Variants in SDK1 observed in about 807,000 individuals in gnomAD.
SDK1 encodes sidekick cell adhesion molecule 1, also known as protein sidekick-1.
In SDK1, 157 loss-of-function variants were observed where a neutral mutation model predicts 245.5. The ratio of observed to expected loss-of-function variants is 0.64; its 90% CI spans 0.56 to 0.73. SDK1 has a LOEUF of 0.73. Ranked by LOEUF, SDK1 falls within the 30% of genes least tolerant of loss-of-function variation. The pLI is 0.00. For synonymous variants in SDK1, 1,647 were observed against 1,278.5 expected, an observed-to-expected ratio of 1.29 and a Z score of -6.15; for missense variants, 3,583 against 3,002.3, an observed-to-expected ratio of 1.19 and a Z score of -4.52.
chr7:3,938,952 G>T (rs1430166053), intron 5 of SDK1, among the ~76,000 whole-genome samples: 1 of 152,194 alleles, frequency 6.6e-6, no homozygotes, highest in African/African-American at 2.4e-5. Context: ...TAAATGAGAA[G>T]AAAAGAAACT....
At chr7:3,609,927 C>T (rs998332602) in intron 1 of SDK1, among the ~76,000 whole-genome samples, 1 of 148,420 alleles carries the variant, frequency 6.7e-6, no homozygotes, top group Non-Finnish European at 1.5e-5. Context: ...TCTCAAACTC[C>T]TGACCTCAGG....
intron 1 of SDK1, among the ~76,000 whole-genome samples, chr7:3,443,365 T>A (rs1462899329): frequency 6.6e-6 from 1 of 152,188 alleles, no homozygotes; most frequent in Non-Finnish European, 1.5e-5. Flanking sequence ...ACCGTTTATG[T>A]CAAATATATT....
rs181057500 is a variant in SDK1, at chr7:4,010,865, T to G, written c.2132-101T>G. The G allele has an allele frequency of 1.4e-4, 174 of 1,243,712 alleles. No individual in the cohort carries two copies. In the African/African-American group the frequency reaches 2.5e-3, roughly 18 times the overall value. The allele number at this position is 1,243,712 out of a possible 1,614,324, so 77.0% of individuals were successfully genotyped here. ...TTTCCTTCTCCTAGAGCTGTCCTGC[T>G]AAGCAAATGAGATGTTCCCTGAGAA... On this transcript the variant is annotated intron_variant, in intron 14 of 44. Transcript: ENST00000404826.
At chr7:3,624,485 C>G (rs976483816) in intron 2 of SDK1, among the ~76,000 whole-genome samples, 1 of 152,074 alleles carries the variant, frequency 6.6e-6, no homozygotes, top group Admixed American at 6.5e-5. Flanking sequence ...AGGTGTAAGC[C>G]ACCACACCTG....
chr7:4,260,791 T>A (rs1437126085), intron 44 of SDK1, among the ~76,000 whole-genome samples: 2 of 149,886 alleles, frequency 1.3e-5, no homozygotes, highest in African/African-American at 4.9e-5. Flanking sequence ...TGGGAAGATG[T>A]GTTCATCGTC....
At chr7:4,052,752 G>C (rs1235636139) in intron 19 of SDK1, among the ~76,000 whole-genome samples, 1 of 152,018 alleles carries the variant, frequency 6.6e-6, no homozygotes, top group Non-Finnish European at 1.5e-5. Context: ...GCATTTTCTA[G>C]TTTCTACCAC....
chr7:3,610,826 A>G lies in SDK1; in HGVS notation c.299-8254A>G, dbSNP rs114700116. Reference sequence around the variant, plus strand: ...GGCAAACTATTCACAGTGCTGTTTAATGGAAATCTCAGGGACCCTCCTGCT... The same window carrying G: ...GGCAAACTATTCACAGTGCTGTTTAGTGGAAATCTCAGGGACCCTCCTGCT... On this transcript the variant is annotated intron_variant, in intron 1 of 44. Coordinates refer to ENST00000404826, the MANE Select transcript of SDK1 (RefSeq NM_152744.4). 2.7e-3 allele frequency among the ~76,000 whole-genome samples: 409 copies of G among 152,368 alleles called. 2 individuals carry two copies. Among genetic ancestry groups the G allele is most frequent in the African/African-American group, 9.4e-3 (389 of 41,586 alleles).
Position 4,185,990 on chromosome 7 carries a change from C to G in SDK1, c.5098+7404C>G, listed in dbSNP as rs1193371018. Among the ~76,000 whole-genome samples the G allele has an allele frequency of 3.9e-5, 6 of 152,128 alleles. No individual in the cohort carries two copies. The East Asian group carries it at 9.6e-4, about 24-fold the overall frequency. ...TGGAGCGGCTCCAGGGCCCAGGGAG[C>G]TCAGGGAGGGCCTAAAGCAAGGCTT... On this transcript the variant is annotated intron_variant, in intron 35 of 44. Transcript: ENST00000404826.
chr7:3,447,766 A>G (rs1323997795), intron 1 of SDK1, among the ~76,000 whole-genome samples: 1 of 138,050 alleles, frequency 7.2e-6, no homozygotes, highest in Admixed American at 8.1e-5. Context: ...GTGCAATGGC[A>G]TGATCTCGGC....
intron 1 of SDK1, among the ~76,000 whole-genome samples, chr7:3,581,775 A>G (rs879865093): frequency 2.6e-5 from 4 of 152,240 alleles, no homozygotes; most frequent in African/African-American, 4.8e-5. Flanking sequence ...GACTGGATAA[A>G]GAAAATGTGG....
At chr7:4,198,238 C>G (rs1411477699) in intron 35 of SDK1, among the ~76,000 whole-genome samples, 1 of 152,198 alleles carries the variant, frequency 6.6e-6, no homozygotes, top group Non-Finnish European at 1.5e-5. Context: ...CGGCCCAAAC[C>G]CATCACACAC....
At chr7:4,200,437 G>A (rs1399151688) in intron 35 of SDK1, among the ~76,000 whole-genome samples, 1 of 152,230 alleles carries the variant, frequency 6.6e-6, no homozygotes, top group South Asian at 2.1e-4. Context: ...TGGTTTCTGT[G>A]GGCCAGAAAT....
At chr7:3,451,847 T>C (rs1299044397) in intron 1 of SDK1, among the ~76,000 whole-genome samples, 1 of 152,146 alleles carries the variant, frequency 6.6e-6, no homozygotes, top group Non-Finnish European at 1.5e-5. Context: ...GTGTAGTAAG[T>C]GAAAGACTTA....
chr7:3,613,721 A>C (rs1006667243), intron 1 of SDK1, among the ~76,000 whole-genome samples: 2 of 152,230 alleles, frequency 1.3e-5, no homozygotes, highest in Non-Finnish European at 2.9e-5. Flanking sequence ...ACATGGAATC[A>C]ACCCAAATAC....
rs1319632464 is a variant in SDK1, at chr7:3,780,657, C to G, written c.714-40793C>G. On this transcript the variant is annotated intron_variant, in intron 4 of 44. Transcript: ENST00000404826. ...TTCACCTCCTCCCATTTCAGGGAAG[C>G]AAAGGGGCTAGATCAGCTTGACCCA... Among the ~76,000 whole-genome samples, 3 of 152,278 alleles carry G rather than the reference C, an allele frequency of 2.0e-5. No homozygotes were observed. In the East Asian group the frequency reaches 5.8e-4, roughly 29 times the overall value.
At chr7:4,168,472 C>T (rs986655926) in intron 32 of SDK1, among the ~76,000 whole-genome samples, 20 of 152,344 alleles carry the variant, frequency 1.3e-4, no homozygotes, top group Non-Finnish European at 2.5e-4. Context: ...CTCCATCTTC[C>T]AGCCCCAGAG....
chr7:3,539,153 A>G (rs181512760), intron 1 of SDK1, among the ~76,000 whole-genome samples: 8 of 152,314 alleles, frequency 5.3e-5, no homozygotes, highest in Admixed American at 3.3e-4. Context: ...CAGGTTGGTC[A>G]TATTTTCTAT....
At position 4,005,177 on chromosome 7, in the gene SDK1, C is replaced by T. The variant is rs569853293; in HGVS notation, c.2132-5789C>T. ...TCTCCTGCCTCAGCCTCCCAAGTAG[C>T]TGGGAATACAGGTGCATGACACCAC... is the stretch of plus-strand genomic sequence containing the variant. On this transcript the variant is annotated intron_variant, in intron 14 of 44. Transcript: ENST00000404826. Among the ~76,000 whole-genome samples, 3 of 150,558 alleles carry T rather than the reference C, an allele frequency of 2.0e-5. No homozygotes were observed. In the East Asian group the frequency reaches 5.9e-4, roughly 29 times the overall value.
At chr7:3,939,428 G>A (rs924330850) in intron 5 of SDK1, among the ~76,000 whole-genome samples, 1 of 152,210 alleles carries the variant, frequency 6.6e-6, no homozygotes, top group South Asian at 2.1e-4. Flanking sequence ...GTGAACGTGT[G>A]GAAGGTAAAG....
Sources: allele counts gnomAD v4.1 joint callset (sites outside exome capture counted in the v4.1 genomes callset), GRCh38; gene constraint gnomAD v4.1.1; transcripts MANE v1.5; gene names NCBI Gene and HGNC (gene_info 2026-07-23, HGNC 2026-07-21).